INPP4B: variants seen among roughly 807,000 people sequenced by gnomAD.
INPP4B encodes inositol polyphosphate 4-phosphatase type II.
Under a neutral mutation model 122.5 loss-of-function variants are expected in INPP4B, and 55 were observed. The observed-to-expected ratio is 0.45, with a 90% confidence interval of 0.36 to 0.56. INPP4B has a LOEUF of 0.56. INPP4B is among the 20% of genes least tolerant of loss of function. The probability of loss-of-function intolerance (pLI) is 0.00; values close to 1 mark genes in which losing one functional copy is unlikely to be tolerated. For missense variants in INPP4B, 1,000 were observed against 1,097.7 expected, an observed-to-expected ratio of 0.91 and a Z score of 1.26; for synonymous variants, 403 against 388.7, an observed-to-expected ratio of 1.04 and a Z score of -0.43.
chr4:142,670,020 A>T (rs1030756976), intron 2 of INPP4B, among the ~76,000 whole-genome samples: 7 of 152,192 alleles, frequency 4.6e-5, no homozygotes, highest in African/African-American at 1.7e-4. Context: ...TATAGTCAAA[A>T]TTTTAAGTAA....
At chr4:142,423,692 T>A in intron 5 of INPP4B, 1 of 350,376 alleles carries the variant, frequency 2.9e-6, no homozygotes, top group Non-Finnish European at 5.5e-6. Flanking sequence ...TACACATCAT[T>A]TACCTGGTAC....
rs752406957 is a variant in INPP4B, at chr4:142,270,672, C to T, written c.606G>A (p.Gln202=). ...GEADHITTDV[Q]GQKCALVCEC... is the part of the protein sequence containing the mutation. ...CAGACTGAGATCCTACCTTTTGTCC[C>T]TGTACATCTGTGGTGATGTGGTCGG... The change falls in exon 10 of 26, where the codon CAG becomes CAA. Residue 202 remains glutamine, a synonymous_variant. Transcript: ENST00000262992. 3 of 1,596,520 alleles carry T rather than the reference C, an allele frequency of 1.9e-6. No homozygotes were observed. The highest frequency in any genetic ancestry group is 2.6e-6 in the Non-Finnish European group (3 of 1,163,944).
At chr4:142,164,069 A>T (rs951747564) in intron 16 of INPP4B, among the ~76,000 whole-genome samples, 3 of 151,974 alleles carry the variant, frequency 2.0e-5, no homozygotes, top group Non-Finnish European at 2.9e-5. Flanking sequence ...ACCTTAAAAA[A>T]ACGAAATGTT....
At chr4:142,386,006 T>G (rs1795850347) in intron 7 of INPP4B, among the ~76,000 whole-genome samples, 1 of 152,124 alleles carries the variant, frequency 6.6e-6, no homozygotes, top group Admixed American at 6.6e-5. Context: ...TCACTAAAGC[T>G]TATCTCTTTG....
intron 1 of INPP4B, among the ~76,000 whole-genome samples, chr4:142,824,598 C>A (rs1215662964): frequency 2.6e-5 from 4 of 152,050 alleles, no homozygotes; most frequent in African/African-American, 7.2e-5. Flanking sequence ...AGGCACAATC[C>A]AGAAGCTTTC....
At chr4:142,029,152 T>C (rs1738205954) in intron 25 of INPP4B, 2 of 1,204,134 alleles carry the variant, frequency 1.7e-6, no homozygotes, top group East Asian at 3.5e-5. Flanking sequence ...CATTTAAAAT[T>C]TAATAAACTC....
intron 7 of INPP4B, among the ~76,000 whole-genome samples, chr4:142,367,262 G>A (rs902927123): frequency 3.4e-5 from 5 of 148,834 alleles, no homozygotes; most frequent in South Asian, 2.1e-4. Context: ...ATTTGACTTC[G>A]TTATGTTCTT....
At chr4:142,176,952 G>T (rs561293681) in intron 15 of INPP4B, among the ~76,000 whole-genome samples, 1 of 152,182 alleles carries the variant, frequency 6.6e-6, no homozygotes, top group African/African-American at 2.4e-5. Context: ...AAGTTGCTTT[G>T]GTTCCCTCTT....
chr4:142,427,651 C>T (rs2149351196), intron 5 of INPP4B, among the ~76,000 whole-genome samples: 1 of 152,120 alleles, frequency 6.6e-6, no homozygotes, highest in Non-Finnish European at 1.5e-5. Context: ...TAACAATTGC[C>T]ACCCTAATTG....
intron 2 of INPP4B, among the ~76,000 whole-genome samples, chr4:142,582,644 T>C (rs1735353775): frequency 6.6e-6 from 1 of 152,134 alleles, no homozygotes; most frequent in African/African-American, 2.4e-5. Flanking sequence ...GGAGGTCTTT[T>C]GTAAAAACCT....
intron 2 of INPP4B, among the ~76,000 whole-genome samples, chr4:142,584,415 C>A (rs145486809): frequency 2.0e-5 from 3 of 152,244 alleles, no homozygotes; most frequent in East Asian, 1.9e-4. Context: ...TCCCACACAC[C>A]TTCTTTCAAT....
At chr4:142,652,434 C>T (rs1753177819) in intron 2 of INPP4B, among the ~76,000 whole-genome samples, 1 of 152,174 alleles carries the variant, frequency 6.6e-6, no homozygotes, top group Admixed American at 6.5e-5. Context: ...CAAATTGTCC[C>T]TGTTTGCAGA....
intron 1 of INPP4B, among the ~76,000 whole-genome samples, chr4:142,779,837 A>C (rs1305536223): frequency 6.6e-6 from 1 of 152,150 alleles, no homozygotes; most frequent in South Asian, 2.1e-4. Flanking sequence ...TTGGTGCAAA[A>C]GTAATTGAGG....
chr4:142,328,011 T>A (rs1460780615), intron 7 of INPP4B, among the ~76,000 whole-genome samples: 1 of 152,108 alleles, frequency 6.6e-6, no homozygotes, highest in African/African-American at 2.4e-5. Flanking sequence ...AAAGCAAAGA[T>A]CCCAGTTTTC....
At chr4:142,030,117 C>A (rs1391824372) in intron 25 of INPP4B, 1 of 1,506,362 alleles carries the variant, frequency 6.6e-7, no homozygotes. Context: ...AAAAGGAATA[C>A]AACATAAAAC....
chr4:142,550,746 G>T (rs1326162008), intron 2 of INPP4B, among the ~76,000 whole-genome samples: 1 of 151,862 alleles, frequency 6.6e-6, no homozygotes, highest in African/African-American at 2.4e-5. Context: ...GTACTTCAAA[G>T]CCACATATTA....
intron 18 of INPP4B, among the ~76,000 whole-genome samples, chr4:142,128,597 C>A (rs1799764646): frequency 6.6e-6 from 1 of 152,156 alleles, no homozygotes; most frequent in Non-Finnish European, 1.5e-5. Flanking sequence ...AACCCTGAGA[C>A]CAACAAGAAT....
intron 1 of INPP4B, among the ~76,000 whole-genome samples, chr4:142,802,156 A>G: frequency 6.6e-6 from 1 of 151,994 alleles, no homozygotes; most frequent in African/African-American, 2.4e-5. Flanking sequence ...GACATTTCAC[A>G]CTCCACCACA....
intron 2 of INPP4B, among the ~76,000 whole-genome samples, chr4:142,498,131 A>ACG (rs1491472978): frequency 1.3e-5 from 2 of 150,342 alleles, no homozygotes; most frequent in African/African-American, 4.9e-5. Flanking sequence ...ACACACACAC[A>ACG]TATATGTATA....
Sources: allele counts gnomAD v4.1 joint callset (sites outside exome capture counted in the v4.1 genomes callset), GRCh38; gene constraint gnomAD v4.1.1; transcripts MANE v1.5; gene names NCBI Gene and HGNC (gene_info 2026-07-23, HGNC 2026-07-21).